The following PCDH9 variants were observed in gnomAD, a reference collection of about 807,000 sequenced individuals.
The protein encoded by PCDH9 is protocadherin 9.
Under a neutral mutation model 70.6 loss-of-function variants are expected in PCDH9, and 24 were observed. The ratio of observed to expected loss-of-function variants is 0.34; its 90% CI spans 0.25 to 0.48. The LOEUF is 0.48. Ranked by LOEUF, PCDH9 falls within the 20% of genes least tolerant of loss-of-function variation. PCDH9 has a pLI of 0.99. For synonymous variants in PCDH9, 562 were observed against 558.5 expected (o/e 1.01, Z -0.09); for missense variants, 1,281 against 1,503.6 (o/e 0.85, Z 2.45).
At chr13:66,808,271 C>A (rs558877759) in intron 3 of PCDH9, among the ~76,000 whole-genome samples, 14 of 152,192 alleles carry the variant, frequency 9.2e-5, no homozygotes, top group African/African-American at 3.4e-4. Flanking sequence ...GGGCTGCTGA[C>A]ACTTAATTTT....
chr13:67,015,805 A>G (rs9599174), intron 2 of PCDH9, among the ~76,000 whole-genome samples: 24,938 of 152,060 alleles, frequency 0.16, 2,164 homozygotes, highest in Middle Eastern at 0.24. Flanking sequence ...GTAATCTCTC[A>G]TTCATCTATG....
intron 3 of PCDH9, among the ~76,000 whole-genome samples, chr13:66,676,127 A>G (rs1374778016): frequency 1.3e-5 from 2 of 152,126 alleles, no homozygotes; most frequent in Non-Finnish European, 2.9e-5. Flanking sequence ...TATTTATTTT[A>G]CATATTTTAT....
At chr13:66,379,187 T>C (rs1263485627) in intron 4 of PCDH9, among the ~76,000 whole-genome samples, 1 of 152,152 alleles carries the variant, frequency 6.6e-6, no homozygotes. Flanking sequence ...GTAATACACC[T>C]CTCTCCGGCC....
chr13:66,420,340 C>A (rs1425320077), intron 4 of PCDH9, among the ~76,000 whole-genome samples: 2 of 152,200 alleles, frequency 1.3e-5, no homozygotes, highest in African/African-American at 4.8e-5. Flanking sequence ...CAGACTGCCT[C>A]CTCAAGTGGG....
intron 3 of PCDH9, among the ~76,000 whole-genome samples, chr13:66,861,805 T>A (rs1057083848): frequency 2.0e-5 from 3 of 152,204 alleles, no homozygotes; most frequent in Non-Finnish European, 2.9e-5. Flanking sequence ...AATGAAATAG[T>A]GCCGACATTA....
chr13:67,164,088 T>C (rs1205866758), intron 2 of PCDH9, among the ~76,000 whole-genome samples: 1 of 152,220 alleles, frequency 6.6e-6, no homozygotes, highest in Non-Finnish European at 1.5e-5. Context: ...TAGTTATTAC[T>C]AAATGTGTGT....
intron 3 of PCDH9, among the ~76,000 whole-genome samples, chr13:66,754,182 A>G (rs1047641252): frequency 1.3e-5 from 2 of 152,084 alleles, no homozygotes; most frequent in African/African-American, 2.4e-5. Flanking sequence ...ATGAGAACAC[A>G]TAGGCACAGG....
At chr13:66,337,984 C>T in intron 4 of PCDH9, among the ~76,000 whole-genome samples, 1 of 152,084 alleles carries the variant, frequency 6.6e-6, no homozygotes, top group East Asian at 1.9e-4. Context: ...GAACAAGCTT[C>T]TCTTCTCCAT....
At position 66,459,386 on chromosome 13, in the gene PCDH9, A is replaced by G. The variant is rs570997086; in HGVS notation, c.3341-154358T>C. 2.6e-5 allele frequency among the ~76,000 whole-genome samples: 4 copies of G among 152,112 alleles called. No homozygotes were observed. In the East Asian group the frequency reaches 7.7e-4, roughly 29 times the overall value. On this transcript the variant is annotated intron_variant, in intron 4 of 4. Transcript: ENST00000377865. ...ATTGGGTAAGATCTCCGGATGAAAA[A>G]CAGGTATTCTTTTCTTTCTTCCGAG...
intron 2 of PCDH9, among the ~76,000 whole-genome samples, chr13:66,948,734 C>T (rs952958711): frequency 1.3e-5 from 2 of 152,110 alleles, no homozygotes; most frequent in Admixed American, 6.6e-5. Flanking sequence ...TCAGCAGTCT[C>T]ATACTAGGAT....
At chr13:66,577,035 T>C (rs1197261521) in intron 4 of PCDH9, among the ~76,000 whole-genome samples, 1 of 151,906 alleles carries the variant, frequency 6.6e-6, no homozygotes. Flanking sequence ...ACACAAAATC[T>C]CATGGAAAAA....
intron 2 of PCDH9, among the ~76,000 whole-genome samples, chr13:67,087,490 T>C (rs1257070132): frequency 2.0e-5 from 3 of 152,152 alleles, no homozygotes; most frequent in Non-Finnish European, 4.4e-5. Flanking sequence ...ATTCAACCAT[T>C]ACTCACAGAT....
intron 2 of PCDH9, among the ~76,000 whole-genome samples, chr13:67,080,162 C>T (rs369275133): frequency 5.9e-5 from 9 of 152,096 alleles, no homozygotes; most frequent in African/African-American, 1.9e-4. Context: ...TGACTCAGAA[C>T]GCACCTCTTT....
At chr13:66,561,680 T>C (rs963947596) in intron 4 of PCDH9, among the ~76,000 whole-genome samples, 4 of 152,082 alleles carry the variant, frequency 2.6e-5, no homozygotes, top group Non-Finnish European at 5.9e-5. Flanking sequence ...ACCTTTGTGT[T>C]GACACTCTGT....
At chr13:66,528,515 C>A (rs537744526) in intron 4 of PCDH9, among the ~76,000 whole-genome samples, 1 of 152,266 alleles carries the variant, frequency 6.6e-6, no homozygotes, top group South Asian at 2.1e-4. Flanking sequence ...TACTAAACTA[C>A]ACATAAAATG....
intron 4 of PCDH9, among the ~76,000 whole-genome samples, chr13:66,322,350 A>G (rs1955770961): frequency 6.6e-6 from 1 of 151,978 alleles, no homozygotes; most frequent in South Asian, 2.1e-4. Context: ...GCCACAGCTC[A>G]GTTTCTCATA....
intron 4 of PCDH9, among the ~76,000 whole-genome samples, chr13:66,337,049 A>G (rs1039624198): frequency 1.3e-5 from 2 of 152,042 alleles, no homozygotes; most frequent in Non-Finnish European, 2.9e-5. Context: ...TTTCCCTAAA[A>G]TAAATTTGAA....
At chr13:67,048,664 C>T (rs1166194464) in intron 2 of PCDH9, among the ~76,000 whole-genome samples, 2 of 152,146 alleles carry the variant, frequency 1.3e-5, no homozygotes, top group African/African-American at 4.8e-5. Flanking sequence ...TTTTGCTGGG[C>T]CTGCTACCTC....
At chr13:67,181,763 A>T (rs2088621261) in intron 2 of PCDH9, among the ~76,000 whole-genome samples, 1 of 151,076 alleles carries the variant, frequency 6.6e-6, no homozygotes. Flanking sequence ...ATTAGGCCAT[A>T]AAAAAAAACA....
Sources: gnomAD v4.1 joint callset for allele counts (sites outside exome capture counted in the v4.1 genomes callset) on GRCh38, gnomAD v4.1.1 for gene constraint, MANE v1.5 for transcripts, NCBI Gene and HGNC (gene_info 2026-07-23, HGNC 2026-07-21) for gene names.